The following ANO4 variants were observed in gnomAD, a reference collection of about 807,000 sequenced individuals.
ANO4 encodes anoctamin-4.
Under a neutral mutation model 141.9 loss-of-function variants are expected in ANO4, and 69 were observed. The ratio of observed to expected loss-of-function variants is 0.49; its 90% CI spans 0.40 to 0.59. The LOEUF is 0.59. ANO4 is among the 20% of genes least tolerant of loss of function. The pLI, the probability that ANO4 is intolerant of heterozygous loss-of-function variation, is 0.00. For synonymous variants in ANO4, 350 were observed against 394.3 expected, an observed-to-expected ratio of 0.89 and a Z score of 1.33; for missense variants, 894 against 1,162.2, an observed-to-expected ratio of 0.77 and a Z score of 3.36.
At chr12:100,852,039 T>G (rs898725494) in intron 1 of ANO4, among the ~76,000 whole-genome samples, 8 of 152,122 alleles carry the variant, frequency 5.3e-5, no homozygotes, top group African/African-American at 1.4e-4. Flanking sequence ...TTTTTACTCT[T>G]AATGACACAG....
At position 101,125,122 on chromosome 12, in the gene ANO4, T is replaced by G. The variant is rs994687801; in HGVS notation, c.2677-1757T>G. Among the ~76,000 whole-genome samples, 83 of 152,358 alleles carry G rather than the reference T, an allele frequency of 5.4e-4. 1 individual carries two copies. Among genetic ancestry groups the G allele is most frequent in the African/African-American group, 1.9e-3 (80 of 41,590 alleles). On this transcript the variant is annotated intron_variant, in intron 26 of 27. Transcript: ENST00000392977. Reference sequence around the variant, plus strand: ...CATGAGCATGGAACATTTTTCCATCTGCTTGTGTCCTTTCTGATTTCCTTG... The same window carrying G: ...CATGAGCATGGAACATTTTTCCATCGGCTTGTGTCCTTTCTGATTTCCTTG...
intron 2 of ANO4, among the ~76,000 whole-genome samples, chr12:100,913,674 A>G (rs901914621): frequency 2.6e-5 from 4 of 152,182 alleles, no homozygotes; most frequent in African/African-American, 9.7e-5. Flanking sequence ...ATAGGGCGGG[A>G]TGCTTTAACC....
chr12:100,949,377 A>G (rs545349447), intron 5 of ANO4, among the ~76,000 whole-genome samples: 59 of 152,370 alleles, frequency 3.9e-4, no homozygotes, highest in Non-Finnish European at 7.6e-4. Flanking sequence ...TGGTTCTACC[A>G]TTACAAGCTG....
intron 1 of ANO4, among the ~76,000 whole-genome samples, chr12:100,831,469 C>T (rs903211468): frequency 6.6e-6 from 1 of 151,890 alleles, no homozygotes; most frequent in Non-Finnish European, 1.5e-5. Flanking sequence ...ATAACAAGTC[C>T]CGTGTAGGGT....
Position 100,925,821 on chromosome 12 carries a change from A to ATACG in ANO4, c.160+3494_160+3495insGTAC, listed in dbSNP as rs1442628845. Among the ~76,000 whole-genome samples, 4 of 145,692 alleles carry ATACG rather than the reference A, an allele frequency of 2.7e-5. No individual in the cohort carries two copies. The East Asian group carries it at 8.1e-4, about 30-fold the overall frequency. The stretch of plus-strand genomic sequence containing the variant: ...TGTGTGTATACATACATATACATAC[A>ATACG]TACATATATATACATACATATATAT... On this transcript the variant is annotated intron_variant, in intron 3 of 27. Transcript: ENST00000392977.
At chr12:101,111,767 T>G (rs535587904) in intron 24 of ANO4, 57 bp downstream of exon 24, 155 of 1,491,454 alleles carry the variant, frequency 1.0e-4, no homozygotes, top group Non-Finnish European at 1.3e-4. Context: ...TTTTTGAGGT[T>G]GGACACTCAG....
intron 2 of ANO4, among the ~76,000 whole-genome samples, chr12:100,734,234 T>C (rs1406610736): frequency 6.6e-6 from 1 of 152,222 alleles, no homozygotes; most frequent in African/African-American, 2.4e-5. Context: ...AAATTGAAAA[T>C]GCATGGTAAA....
chr12:100,872,970 A>C (rs773248530), intron 1 of ANO4, among the ~76,000 whole-genome samples: 37 of 152,146 alleles, frequency 2.4e-4, no homozygotes, highest in Non-Finnish European at 4.1e-4. Context: ...AGTTCTCACA[A>C]GATCTGGTTG....
rs550526024 is a variant in ANO4, at chr12:100,841,425, G to A, written c.-141+46398G>A. On this transcript the variant is annotated intron_variant, in intron 1 of 27. Transcript: ENST00000392977. ...ACAAAGTCTATATCCCACAGAGCTC[G>A]TATTCTAATGGGTAAGAAGGCAGCA... Among the ~76,000 whole-genome samples the A allele has an allele frequency of 1.6e-4, 25 of 152,278 alleles. No homozygotes were observed. In the South Asian group the frequency reaches 2.9e-3, roughly 18 times the overall value.
intron 1 of ANO4, among the ~76,000 whole-genome samples, chr12:100,841,401 C>A (rs1441672838): frequency 6.6e-6 from 1 of 152,114 alleles, no homozygotes; most frequent in Non-Finnish European, 1.5e-5. Context: ...GTGAATAAGA[C>A]AAAGTCTATA....
At chr12:100,907,045 T>A (rs919304960) in intron 2 of ANO4, among the ~76,000 whole-genome samples, 2 of 152,180 alleles carry the variant, frequency 1.3e-5, no homozygotes, top group Non-Finnish European at 2.9e-5. Flanking sequence ...TCAGTGGTTC[T>A]CTCAGACACC....
intron 5 of ANO4, among the ~76,000 whole-genome samples, chr12:100,960,095 T>A (rs1287870192): frequency 1.3e-5 from 2 of 152,128 alleles, no homozygotes; most frequent in Non-Finnish European, 2.9e-5. Context: ...GCTCAATGGC[T>A]AGAGCTCATG....
chr12:101,017,690 G>A (rs1318978962), intron 8 of ANO4, among the ~76,000 whole-genome samples: 1 of 152,166 alleles, frequency 6.6e-6, no homozygotes, highest in Admixed American at 6.5e-5. Context: ...TTCAAATGCT[G>A]GTTCAGCCCT....
chr12:100,810,929 G>T (rs1020719165), intron 1 of ANO4, among the ~76,000 whole-genome samples: 11 of 152,110 alleles, frequency 7.2e-5, no homozygotes, highest in Non-Finnish European at 1.3e-4. Flanking sequence ...ACTAAATAGA[G>T]AATTCCTGAA....
At chr12:100,880,635 T>C (rs1187616878) in intron 1 of ANO4, among the ~76,000 whole-genome samples, 1 of 152,212 alleles carries the variant, frequency 6.6e-6, no homozygotes, top group African/African-American at 2.4e-5. Flanking sequence ...GAATCACTGC[T>C]TCTGCCTTTC....
chr12:100,763,605 C>T (rs992586551), intron 3 of ANO4, among the ~76,000 whole-genome samples: 1 of 152,198 alleles, frequency 6.6e-6, no homozygotes, highest in African/African-American at 2.4e-5. Context: ...GCAGCTCTTG[C>T]CAGAGCCTCC....
At position 101,127,532 on chromosome 12, in the gene ANO4, T is replaced by C. The variant is rs61234643; in HGVS notation, c.*5-329T>C. On this transcript the variant is annotated intron_variant, in intron 27 of 27. Transcript: ENST00000392977. ...TGTCCTGGGCTGCAGGACCAGTAACTGATGAAGAATTTCTTCTGGCCCCAC... is the reference window on the plus strand; with the variant it reads ...TGTCCTGGGCTGCAGGACCAGTAACCGATGAAGAATTTCTTCTGGCCCCAC... 4.4e-3 allele frequency among the ~76,000 whole-genome samples: 674 copies of C among 152,292 alleles called. 9 individuals carry two copies. Among genetic ancestry groups the C allele is most frequent in the African/African-American group, 0.016 (652 of 41,572 alleles).
intron 1 of ANO4, among the ~76,000 whole-genome samples, chr12:100,725,528 G>A (rs890013648): frequency 6.6e-6 from 1 of 151,386 alleles, no homozygotes; most frequent in Non-Finnish European, 1.5e-5. Context: ...TTGTATTTTT[G>A]GTAGAGACGG....
chr12:100,773,188 G>A (rs2033369858), intron 3 of ANO4, among the ~76,000 whole-genome samples: 1 of 152,212 alleles, frequency 6.6e-6, no homozygotes, highest in Non-Finnish European at 1.5e-5. Flanking sequence ...TCACATGGTA[G>A]ATGGGACAAG....
Sources: allele counts gnomAD v4.1 joint callset (sites outside exome capture counted in the v4.1 genomes callset), GRCh38; gene constraint gnomAD v4.1.1; transcripts MANE v1.5; gene names NCBI Gene and HGNC (gene_info 2026-07-23, HGNC 2026-07-21).